The following LDB2 variants were observed in gnomAD, a reference collection of about 807,000 sequenced individuals.
LDB2 encodes LIM domain-binding protein 2.
Under a neutral mutation model 44.3 loss-of-function variants are expected in LDB2, and 12 were observed. The ratio of observed to expected loss-of-function variants is 0.27; its 90% CI spans 0.17 to 0.44. LDB2 has a LOEUF of 0.44. Ranked by LOEUF, LDB2 falls within the 20% of genes least tolerant of loss-of-function variation. LDB2 has a pLI of 1.00. For missense variants in LDB2, 344 were observed against 473.5 expected (o/e 0.73, Z 2.54); for synonymous variants, 164 against 174.8 (o/e 0.94, Z 0.49).
At chr4:16,602,449 G>A (rs1722823446) in intron 2 of LDB2, among the ~76,000 whole-genome samples, 1 of 151,420 alleles carries the variant, frequency 6.6e-6, no homozygotes, top group African/African-American at 2.5e-5. Context: ...TGTGGTAGGA[G>A]GGTGGTCAAA....
At chr4:16,606,500 A>AT (rs567604362) in intron 2 of LDB2, among the ~76,000 whole-genome samples, 10 of 152,268 alleles carry the variant, frequency 6.6e-5, no homozygotes, top group African/African-American at 2.4e-4. Flanking sequence ...CAAGTTTTTA[A>AT]TTTTTTGCCA....
chr4:16,528,365 A>C (rs1328043108), intron 5 of LDB2, among the ~76,000 whole-genome samples: 2 of 152,254 alleles, frequency 1.3e-5, no homozygotes, highest in Non-Finnish European at 2.9e-5. Context: ...GGAAATAAAA[A>C]ATATTTTAAA....
At chr4:16,710,968 A>T (rs1299512860) in intron 2 of LDB2, among the ~76,000 whole-genome samples, 1 of 152,240 alleles carries the variant, frequency 6.6e-6, no homozygotes, top group Admixed American at 6.5e-5. Context: ...ATCAGCAATG[A>T]TCTACACCCC....
At chr4:16,549,755 G>A (rs2152345058) in intron 5 of LDB2, among the ~76,000 whole-genome samples, 1 of 152,300 alleles carries the variant, frequency 6.6e-6, no homozygotes. Flanking sequence ...TGAAATTGGT[G>A]CCATTAAGCT....
intron 2 of LDB2, among the ~76,000 whole-genome samples, chr4:16,705,803 G>A (rs916948353): frequency 1.3e-5 from 2 of 152,080 alleles, no homozygotes; most frequent in African/African-American, 4.8e-5. Flanking sequence ...AGTTTATAGT[G>A]AGTAATATTT....
At chr4:16,897,971 T>C (rs1286255208) in intron 1 of LDB2, among the ~76,000 whole-genome samples, 2 of 75,722 alleles carry the variant, frequency 2.6e-5, no homozygotes, top group South Asian at 3.9e-4. Flanking sequence ...TATATATATA[T>C]ATACACATAT....
At chr4:16,881,030 A>G (rs988363990) in intron 1 of LDB2, among the ~76,000 whole-genome samples, 3 of 152,110 alleles carry the variant, frequency 2.0e-5, no homozygotes, top group Non-Finnish European at 4.4e-5. Flanking sequence ...GTAAACAGAT[A>G]CTGGTCCCAC....
At chr4:16,572,912 A>C (rs1268317348) in intron 5 of LDB2, among the ~76,000 whole-genome samples, 1 of 152,134 alleles carries the variant, frequency 6.6e-6, no homozygotes, top group Non-Finnish European at 1.5e-5. Flanking sequence ...AAGGAGGAGG[A>C]GGAGAAGGTG....
chr4:16,708,890 A>T (rs1217148525), intron 2 of LDB2, among the ~76,000 whole-genome samples: 1 of 152,034 alleles, frequency 6.6e-6, no homozygotes, highest in Non-Finnish European at 1.5e-5. Context: ...AGGGAAAATG[A>T]CAATAATCTT....
intron 1 of LDB2, among the ~76,000 whole-genome samples, chr4:16,887,532 G>T (rs1009386743): frequency 6.7e-6 from 1 of 150,150 alleles, no homozygotes; most frequent in Non-Finnish European, 1.5e-5. Context: ...GTCTAAAAAA[G>T]GTTGTTTTTT....
intron 1 of LDB2, among the ~76,000 whole-genome samples, chr4:16,796,019 C>T (rs937223558): frequency 5.9e-5 from 9 of 152,092 alleles, no homozygotes; most frequent in South Asian, 2.1e-4. Context: ...TGAGCCGGCG[C>T]GGTGGTTCAC....
chr4:16,839,520 G>A (rs562523494), intron 1 of LDB2, among the ~76,000 whole-genome samples: 9 of 152,186 alleles, frequency 5.9e-5, no homozygotes, highest in Non-Finnish European at 1.0e-4. Flanking sequence ...AGATTTGGAG[G>A]ATACAAACCC....
At chr4:16,735,769 C>T (rs530113436) in intron 2 of LDB2, among the ~76,000 whole-genome samples, 3 of 152,224 alleles carry the variant, frequency 2.0e-5, no homozygotes, top group African/African-American at 7.2e-5. Flanking sequence ...AAAGCTATAC[C>T]TTCAGATTAG....
chr4:16,542,728 T>A (rs980308155), intron 5 of LDB2, among the ~76,000 whole-genome samples: 2 of 152,030 alleles, frequency 1.3e-5, no homozygotes, highest in African/African-American at 4.8e-5. Context: ...CTCAATAATT[T>A]TTTTTTAACC....
At chr4:16,757,801 C>T (rs1766987450) in intron 2 of LDB2, among the ~76,000 whole-genome samples, 1 of 152,246 alleles carries the variant, frequency 6.6e-6, no homozygotes, top group Admixed American at 6.5e-5. Flanking sequence ...CACCCACACA[C>T]CGGAGAGCAA....
At chr4:16,669,157 A>T (rs1744084890) in intron 2 of LDB2, among the ~76,000 whole-genome samples, 1 of 152,216 alleles carries the variant, frequency 6.6e-6, no homozygotes, top group Non-Finnish European at 1.5e-5. Flanking sequence ...CAATATTGTA[A>T]GCAAGATATT....
At chr4:16,646,096 T>C (rs144343976) in intron 2 of LDB2, among the ~76,000 whole-genome samples, 58 of 152,350 alleles carry the variant, frequency 3.8e-4, no homozygotes, top group African/African-American at 1.3e-3. Flanking sequence ...TTGAGGACTG[T>C]TTAAGCATTG....
rs939870113 is a variant in LDB2, at chr4:16,882,373, C to G, written c.132+15981G>C. Among the ~76,000 whole-genome samples the G allele has an allele frequency of 5.9e-5, 9 of 152,114 alleles. No homozygotes were observed. In the East Asian group the frequency reaches 9.6e-4, roughly 16 times the overall value. On this transcript the variant is annotated intron_variant, in intron 1 of 7. Transcript: ENST00000304523. The stretch of plus-strand genomic sequence containing the variant: ...CTGTAATAAAGCTAACAGCAGAGTT[C>G]TTTCTTCTCTCCTTTTCAGCAGAGT...
intron 2 of LDB2, among the ~76,000 whole-genome samples, chr4:16,625,347 G>A (rs1395850388): frequency 1.3e-5 from 2 of 152,268 alleles, no homozygotes; most frequent in Non-Finnish European, 2.9e-5. Flanking sequence ...TTTGGAGAAA[G>A]GATCACTCAG....
Sources: allele counts gnomAD v4.1 joint callset (sites outside exome capture counted in the v4.1 genomes callset), GRCh38; gene constraint gnomAD v4.1.1; transcripts MANE v1.5; gene names NCBI Gene and HGNC (gene_info 2026-07-23, HGNC 2026-07-21).